The following AGBL4 variants were observed in gnomAD, a reference collection of about 807,000 sequenced individuals.
The protein encoded by AGBL4 is AGBL carboxypeptidase 4.
Under a neutral mutation model 66.4 loss-of-function variants are expected in AGBL4, and 58 were observed. The observed-to-expected ratio is 0.87, with a 90% CI of 0.71 to 1.09. The LOEUF (loss-of-function observed/expected upper bound fraction) is 1.09, where lower values mean the gene tolerates loss of function less well. Ranked by LOEUF, AGBL4 falls within the 50% of genes least tolerant of loss-of-function variation. The probability of loss-of-function intolerance (pLI) is 0.00; values close to 1 mark genes in which losing one functional copy is unlikely to be tolerated. For missense variants in AGBL4, 579 were observed against 631.0 expected (o/e 0.92, Z 0.88); for synonymous variants, 234 against 222.9 (o/e 1.05, Z -0.44).
intron 1 of AGBL4, among the ~76,000 whole-genome samples, chr1:49,876,988 T>G (rs946160487): frequency 4.0e-5 from 6 of 151,712 alleles, no homozygotes; most frequent in Non-Finnish European, 7.4e-5. Context: ...GGAATGCTTG[T>G]GATTTTTGTA....
rs190074293 is a variant in AGBL4, at chr1:49,705,412, A to G, written c.158-7975T>C. Among the ~76,000 whole-genome samples the G allele has an allele frequency of 1.4e-4, 21 of 151,404 alleles. No homozygotes were observed. In the East Asian group the frequency reaches 4.1e-3, roughly 29 times the overall value. ...CTCTCTTCCTATTTGAATACGCTTT[A>G]TTTCTTTCTCTTGCCTGATAGCCCT... On this transcript the variant is annotated intron_variant, in intron 2 of 13. Coordinates refer to ENST00000371839, the MANE Select transcript of AGBL4 (RefSeq NM_032785.4).
intron 3 of AGBL4, among the ~76,000 whole-genome samples, chr1:49,573,821 T>TTCTAAG (rs1246310041): frequency 6.6e-6 from 1 of 152,168 alleles, no homozygotes; most frequent in African/African-American, 2.4e-5. Flanking sequence ...AATGGGGATG[T>TTCTAAG]GTGGGAGAAC....
intron 5 of AGBL4, among the ~76,000 whole-genome samples, chr1:48,926,404 C>T (rs902205061): frequency 1.3e-5 from 2 of 151,606 alleles, no homozygotes; most frequent in Non-Finnish European, 2.9e-5. Flanking sequence ...CTCAGCCTCC[C>T]GAGTAGCTGG....
intron 3 of AGBL4, among the ~76,000 whole-genome samples, chr1:49,689,140 C>G (rs945032303): frequency 6.6e-6 from 1 of 152,100 alleles, no homozygotes; most frequent in African/African-American, 2.4e-5. Flanking sequence ...CTCAAAAAAT[C>G]TTTGCCCACG....
intron 3 of AGBL4, among the ~76,000 whole-genome samples, chr1:49,540,845 C>T (rs1363031528): frequency 6.6e-6 from 1 of 152,096 alleles, no homozygotes; most frequent in Non-Finnish European, 1.5e-5. Context: ...TCTTTATAAA[C>T]CAGTTAACTC....
intron 11 of AGBL4, among the ~76,000 whole-genome samples, chr1:48,559,764 A>G (rs11205506): frequency 0.19 from 28,968 of 151,784 alleles, 3,440 homozygotes; most frequent in Non-Finnish European, 0.27. Context: ...ACTTAATCCT[A>G]TACCATTCCC....
Position 49,931,549 on chromosome 1 carries a change from C to T in AGBL4, c.35-80031G>A, listed in dbSNP as rs112219241. Among the ~76,000 whole-genome samples, 663 of 152,196 alleles carry T rather than the reference C, an allele frequency of 4.4e-3. 9 individuals are homozygous for T. The highest frequency in any genetic ancestry group is 0.015 in the African/African-American group (621 of 41,514). Reference sequence around the variant, plus strand: ...ACCACATCTCATGAGAACTTACTATCATGAGAACAGCAAGGGGGAAATTCG... The same window carrying T: ...ACCACATCTCATGAGAACTTACTATTATGAGAACAGCAAGGGGGAAATTCG... On this transcript the variant is annotated intron_variant, in intron 1 of 13. Coordinates refer to ENST00000371839, the MANE Select transcript of AGBL4 (RefSeq NM_032785.4).
chr1:48,967,000 C>T (rs890132777), intron 5 of AGBL4, among the ~76,000 whole-genome samples: 4 of 151,564 alleles, frequency 2.6e-5, no homozygotes, highest in African/African-American at 9.7e-5. Flanking sequence ...AAAAAGAGAG[C>T]CATATTGTAG....
At chr1:48,852,619 T>A (rs1647058499) in intron 6 of AGBL4, among the ~76,000 whole-genome samples, 1 of 152,178 alleles carries the variant, frequency 6.6e-6, no homozygotes, top group Non-Finnish European at 1.5e-5. Context: ...GTCCAGCAAA[T>A]AGAAAATGTT....
intron 4 of AGBL4, among the ~76,000 whole-genome samples, chr1:49,224,644 G>A (rs1042631027): frequency 2.2e-4 from 32 of 146,154 alleles, no homozygotes; most frequent in Admixed American, 5.5e-4. Flanking sequence ...AAAGAAATTC[G>A]AATTGGCCTT....
chr1:48,632,455 C>T (rs1645608338), intron 9 of AGBL4, among the ~76,000 whole-genome samples: 1 of 152,074 alleles, frequency 6.6e-6, no homozygotes, highest in Non-Finnish European at 1.5e-5. Context: ...CTTTAGCAAC[C>T]CTAACCTACT....
intron 5 of AGBL4, among the ~76,000 whole-genome samples, chr1:49,000,557 G>T (rs1285746349): frequency 6.6e-6 from 1 of 152,084 alleles, no homozygotes; most frequent in African/African-American, 2.4e-5. Flanking sequence ...AGTTGATCTT[G>T]GTCTACATTT....
At chr1:49,498,694 T>C (rs552525339) in intron 3 of AGBL4, among the ~76,000 whole-genome samples, 18 of 151,870 alleles carry the variant, frequency 1.2e-4, no homozygotes, top group African/African-American at 1.7e-4. Flanking sequence ...AGCATGATGA[T>C]AGAGGTGCAT....
At position 48,889,894 on chromosome 1, in the gene AGBL4, G is replaced by A. The variant is rs185478719; in HGVS notation, c.595-22664C>T. Among the ~76,000 whole-genome samples, 120 of 152,278 alleles carry A rather than the reference G, an allele frequency of 7.9e-4. 1 individual carries two copies. Among genetic ancestry groups the A allele is most frequent in the African/African-American group, 2.4e-3 (100 of 41,562 alleles). On this transcript the variant is annotated intron_variant, in intron 5 of 13. Transcript: ENST00000371839. The stretch of plus-strand genomic sequence containing the variant: ...CCTCCGAGTTTGGGACTGGGACGGG[G>A]AGGATGGCAGAGAACTTCTGAGAAC...
intron 3 of AGBL4, among the ~76,000 whole-genome samples, chr1:49,401,996 T>G (rs1218613540): frequency 6.6e-6 from 1 of 152,176 alleles, no homozygotes; most frequent in African/African-American, 2.4e-5. Context: ...CAGTGATCCT[T>G]TGAATTTGTG....
At chr1:49,424,969 C>T (rs1316847724) in intron 3 of AGBL4, among the ~76,000 whole-genome samples, 2 of 152,088 alleles carry the variant, frequency 1.3e-5, no homozygotes, top group South Asian at 2.1e-4. Flanking sequence ...AAAAGGTAAC[C>T]AGCTAATCTG....
At chr1:49,930,377 C>A (rs1261468483) in intron 1 of AGBL4, among the ~76,000 whole-genome samples, 1 of 151,918 alleles carries the variant, frequency 6.6e-6, no homozygotes, top group Non-Finnish European at 1.5e-5. Context: ...CTCCACCAGA[C>A]ATAAGGATAA....
chr1:49,077,795 C>T (rs1644738392), intron 4 of AGBL4, among the ~76,000 whole-genome samples: 1 of 151,762 alleles, frequency 6.6e-6, no homozygotes, highest in South Asian at 2.1e-4. Flanking sequence ...AATTTTGCTT[C>T]CAAATGTATT....
chr1:49,750,460 T>G (rs1363360487), intron 2 of AGBL4, among the ~76,000 whole-genome samples: 1 of 152,200 alleles, frequency 6.6e-6, no homozygotes, highest in Non-Finnish European at 1.5e-5. Context: ...TATATCTGTT[T>G]TGGTACCTGT....
Sources: gnomAD v4.1 joint callset for allele counts (sites outside exome capture counted in the v4.1 genomes callset) on GRCh38, gnomAD v4.1.1 for gene constraint, MANE v1.5 for transcripts, NCBI Gene and HGNC (gene_info 2026-07-23, HGNC 2026-07-21) for gene names.